Variants in DLL3 observed in about 807,000 individuals in gnomAD.
DLL3 encodes the protein delta like canonical Notch ligand 3.
DLL3 carries 49 observed loss-of-function variants against 55.0 expected under a neutral mutation model. The ratio of observed to expected loss-of-function variants is 0.89; its 90% CI spans 0.71 to 1.13. The LOEUF is 1.13. Among genes scored for constraint, DLL3 ranks in the 50% most tolerant of loss-of-function variants. DLL3 has a pLI of 0.00. For synonymous variants in DLL3, 421 were observed against 385.2 expected, an observed-to-expected ratio of 1.09 and a Z score of -1.09; for missense variants, 962 against 875.5, an observed-to-expected ratio of 1.10 and a Z score of -1.25.
At position 39,505,267 on chromosome 19, in the gene DLL3, G is replaced by T. The variant is rs749425668; in HGVS notation, c.909G>T (p.Gly303=). The T allele has an allele frequency of 2.5e-6, 4 of 1,614,188 alleles. No individual in the cohort carries two copies. The East Asian group carries it at 8.9e-5, about 36-fold the overall frequency. ...PRSFECTCPR[G]FYGLRCEVSG... is the part of the protein sequence containing the mutation. The stretch of plus-strand genomic sequence containing the variant: ...CCTTTGAATGCACCTGCCCGCGTGG[G>T]TTCTACGGGCTGCGGTGTGAGGTGA... Residue 303 remains glycine (G), a synonymous_variant, in exon 6 of 9, where the codon GGG becomes GGT. Transcript: ENST00000356433.
chr19:39,503,999 T>C (rs1197331053), intron 4 of DLL3, 72 bp from the exon 5 acceptor site: 1 of 1,494,414 alleles, frequency 6.7e-7, no homozygotes, highest in Non-Finnish European at 9.2e-7. Context: ...GAAACCTCCC[T>C]GCTTTCCATC....
At chr19:39,505,132 C>A in intron 5 of DLL3, 97 bp from the exon 6 acceptor site, 2 of 1,298,144 alleles carry the variant, frequency 1.5e-6, no homozygotes, top group Non-Finnish European at 2.2e-6. Flanking sequence ...GGACTTGAGA[C>A]TGGACAAGGA....
chr19:39,507,556 C>A lies in DLL3; in HGVS notation c.1611C>A (p.Val537=). The stretch of plus-strand genomic sequence containing the variant: ...TGGCTGGGACCCCGGAGCCGTCAGT[C>A]CACGCACTCCCGGATGCACTCAACA... The part of the protein sequence containing the change: ...RLLAGTPEPS[V]HALPDALNNL... The change falls in exon 7 of 9, where the codon GTC becomes GTA. Residue 537 remains valine, a synonymous_variant. Coordinates refer to ENST00000356433, the MANE Select transcript of DLL3 (RefSeq NM_203486.3). 5.0e-6 allele frequency: 8 copies of A among 1,608,004 alleles called. No homozygotes were observed. The South Asian group carries it at 8.9e-5, about 18-fold the overall frequency.
At position 39,504,281 on chromosome 19, in the gene DLL3, G is replaced by A. The variant is rs747375666; in HGVS notation, c.863G>A (p.Ser288Asn). 1 of 1,612,410 alleles carries A rather than the reference G, an allele frequency of 6.2e-7. No homozygotes were observed. Among genetic ancestry groups the A allele is most frequent in the African/African-American group, 1.3e-5 (1 of 75,072 alleles). The change falls in exon 5 of 9, where the codon AGC becomes AAC. Residue 288 changes from serine to asparagine, a missense_variant. Coordinates refer to ENST00000356433, the MANE Select transcript of DLL3 (RefSeq NM_203486.3). Reference sequence around the variant, plus strand: ...GGGAACCCGTGTGCCAATGGAGGCAGCTGTAGTGTCAGTGTCACCCTTCCC... The same window carrying A: ...GGGAACCCGTGTGCCAATGGAGGCAACTGTAGTGTCAGTGTCACCCTTCCC... ...CDGNPCANGG[S>N]CSETPRSFEC... is the part of the protein sequence containing the mutation.
intron 2 of DLL3, 72 bp from the exon 3 acceptor site, chr19:39,500,543 C>T (rs936578997): frequency 7.2e-6 from 10 of 1,392,130 alleles, no homozygotes; most frequent in Admixed American, 6.8e-5. Context: ...TTCCTGAACT[C>T]TGGCCTTCAT....
At position 39,504,115 on chromosome 19, in the gene DLL3, C is replaced by T. The variant is rs1235720722; in HGVS notation, c.697C>T (p.Gln233Ter). 2 of 1,613,242 alleles carry T rather than the reference C, an allele frequency of 1.2e-6. No individual in the cohort carries two copies. Among genetic ancestry groups the T allele is most frequent in the South Asian group, 2.2e-5 (2 of 91,092 alleles). Residue 233 changes from glutamine to a stop codon, truncating the protein, a stop_gained, in exon 5 of 9, where the codon CAG becomes TAG. Coordinates refer to ENST00000356433, the MANE Select transcript of DLL3 (RefSeq NM_203486.3). LOFTEE classifies it high-confidence loss of function. Reference sequence around the variant, plus strand: ...CAGCCCTGAGCATGGCTTCTGTGAACAGCCCGGTGAATGCCGATGCCTAGA... The same window carrying T: ...CAGCCCTGAGCATGGCTTCTGTGAATAGCCCGGTGAATGCCGATGCCTAGA... ...GCSPEHGFCEQPGECRCLEGW... is the reference protein window; with the variant it reads ...GCSPEHGFCE
chr19:39,505,314 G>T lies in DLL3; in HGVS notation c.956G>T (p.Gly319Val), dbSNP rs752084828. 4.3e-6 allele frequency: 7 copies of T among 1,614,092 alleles called. No homozygotes were observed. The highest frequency in any genetic ancestry group is 4.2e-6 in the Non-Finnish European group (5 of 1,180,040). Residue 319 changes from glycine to valine, a missense_variant, in exon 6 of 9, where the codon GGA (glycine) becomes GTA (valine). Transcript: ENST00000356433. ...GTGAGCGGGGTGACATGTGCAGATG[G>T]ACCCTGCTTCAACGGCGGCTTGTGT... ...CEVSGVTCAD[G>V]PCFNGGLCVG...
At chr19:39,501,548 C>G (rs560043501) in intron 3 of DLL3, among the ~76,000 whole-genome samples, 1 of 152,136 alleles carries the variant, frequency 6.6e-6, no homozygotes, top group Non-Finnish European at 1.5e-5. Flanking sequence ...TCTCAAACTC[C>G]TAGGCTCAAG....
intron 3 of DLL3, among the ~76,000 whole-genome samples, chr19:39,502,037 A>T (rs939595110): frequency 1.3e-4 from 19 of 151,898 alleles, no homozygotes; most frequent in African/African-American, 4.6e-4. Flanking sequence ...TACAAAAAAA[A>T]TTAGCCGGGC....
Position 39,499,425 on chromosome 19 carries a change from C to T in DLL3, c.303C>T (p.Leu101=). 1 of 1,590,628 alleles carries T rather than the reference C, an allele frequency of 6.3e-7. No individual in the cohort carries two copies. The highest frequency in any genetic ancestry group is 8.5e-7 in the Non-Finnish European group (1 of 1,176,156). The change falls in exon 2 of 9, where the codon CTC becomes CTT. Residue 101 remains leucine (L), a synonymous_variant. Transcript: ENST00000356433. ...TEQPGAPAPD[L]PLPDGLLQVP... ...AGCCCGGAGCGCCCGCGCCTGATCTCCCACTGCCCGACGGCCTCTTGCAGG... is the reference window on the plus strand; with the variant it reads ...AGCCCGGAGCGCCCGCGCCTGATCTTCCACTGCCCGACGGCCTCTTGCAGG...
chr19:39,508,258 C>G lies in DLL3; in HGVS notation c.*1C>G. 1 of 1,613,908 alleles carries G rather than the reference C, an allele frequency of 6.2e-7. No homozygotes were observed. The highest frequency in any genetic ancestry group is 8.5e-7 in the Non-Finnish European group (1 of 1,180,022). On this transcript the variant is annotated 3_prime_UTR_variant, in exon 9 of 9. Transcript: ENST00000356433. ...CTACTCATTTTGTTTCTAGGCCTGA[C>G]GCGTCTCCTCCATCCGCACCTGGAG...
intron 5 of DLL3, among the ~76,000 whole-genome samples, chr19:39,504,840 A>G (rs2144761532): frequency 6.6e-6 from 1 of 152,088 alleles, no homozygotes; most frequent in Admixed American, 6.5e-5. Flanking sequence ...CTCAGGGTTC[A>G]AATACTTAGG....
chr19:39,507,212 G>A lies in DLL3; in HGVS notation c.1267G>A (p.Gly423Ser). The change falls in exon 7 of 9, where the codon GGC becomes AGC. Residue 423 changes from glycine (G) to serine (S), a missense_variant. Physicochemically the swap from Gly to Ser is moderately conservative, Grantham distance 56 (BLOSUM62 0). Coordinates refer to ENST00000356433, the MANE Select transcript of DLL3 (RefSeq NM_203486.3). Reference sequence around the variant, plus strand: ...CTGCTCCTGCGCGCTGGGCTTCGGCGGCCGCGACTGCCGCGAGCGCGCGGA... The same window carrying A: ...CTGCTCCTGCGCGCTGGGCTTCGGCAGCCGCGACTGCCGCGAGCGCGCGGA... ...HRCSCALGFG[G>S]RDCRERADPC... 7.6e-7 allele frequency: 1 copy of A among 1,324,134 alleles called. No homozygotes were observed. The allele number at this position is 1,324,134 out of a possible 1,614,324, so 82.0% of individuals were successfully genotyped here.
Position 39,507,508 on chromosome 19 carries a change from C to T in DLL3, c.1563C>T (p.Ser521=). The T allele has an allele frequency of 6.3e-7, 1 of 1,599,734 alleles. No homozygotes were observed. The part of the protein sequence containing the change: ...LLVHVRRRGH[S]QDAGSRLLAG... ...TCCACGTGCGCCGCCGTGGCCACTCCCAGGATGCTGGGTCTCGCTTGCTGG... is the reference window on the plus strand; with the variant it reads ...TCCACGTGCGCCGCCGTGGCCACTCTCAGGATGCTGGGTCTCGCTTGCTGG... Residue 521 remains serine, a synonymous_variant, in exon 7 of 9, where the codon TCC becomes TCT. Coordinates refer to ENST00000356433, the MANE Select transcript of DLL3 (RefSeq NM_203486.3).
chr19:39,502,940 G>T lies in DLL3; in HGVS notation c.535G>T (p.Glu179Ter). Residue 179 changes from glutamate (E) to a stop codon, truncating the protein, a stop_gained, in exon 4 of 9, where the codon GAG (glutamate) becomes TAG (stop). Transcript: ENST00000356433. LOFTEE classifies it high-confidence loss of function. Reference sequence around the variant, plus strand: ...GCGCTTCTCGTACCGCGCGCGCTGCGAGCCGCCTGCCGTCGGGACCGCGTG... The same window carrying T: ...GCGCTTCTCGTACCGCGCGCGCTGCTAGCCGCCTGCCGTCGGGACCGCGTG... The part of the protein sequence containing the change: ...ELRFSYRARC[E>*]PPAVGTACTR... 1 of 1,442,024 alleles carries T rather than the reference G, an allele frequency of 6.9e-7. No homozygotes were observed. The allele number at this position is 1,442,024 out of a possible 1,614,324, so 89.3% of individuals were successfully genotyped here.
Position 39,507,279 on chromosome 19 carries a change from A to G in DLL3, c.1334A>G (p.Tyr445Cys), listed in dbSNP as rs1323742974. Residue 445 changes from tyrosine (Y) to cysteine (C), a missense_variant, in exon 7 of 9, where the codon TAC (tyrosine) becomes TGC (cysteine). Physicochemically the swap from Tyr to Cys is radical, Grantham distance 194. Transcript: ENST00000356433. ...ARPCAHGGRC[Y>C]AHFSGLVCAC... ...CCCTGTGCTCACGGCGGCCGCTGCT[A>G]CGCCCACTTCTCCGGCCTCGTCTGC... The G allele has an allele frequency of 2.6e-6, 4 of 1,538,136 alleles. No homozygotes were observed. Among genetic ancestry groups the G allele is most frequent in the South Asian group, 2.4e-5 (2 of 84,490 alleles).
intron 5 of DLL3, among the ~76,000 whole-genome samples, chr19:39,504,504 C>G (rs577455399): frequency 6.6e-6 from 1 of 152,060 alleles, no homozygotes; most frequent in African/African-American, 2.4e-5. Flanking sequence ...TGGGTGGCCC[C>G]GAAAGATGCA....
chr19:39,505,866 T>C (rs917809701), intron 6 of DLL3, among the ~76,000 whole-genome samples: 2 of 152,070 alleles, frequency 1.3e-5, no homozygotes, highest in African/African-American at 2.4e-5. Context: ...CTGAGTGAGA[T>C]GGAGCCACAG....
chr19:39,499,564 C>A, intron 2 of DLL3, 91 bp downstream of exon 2: 1 of 1,496,206 alleles, frequency 6.7e-7, no homozygotes, highest in Non-Finnish European at 9.0e-7. Context: ...TTCCAAGACC[C>A]TAATCCTGCC....
Sources: gnomAD v4.1 joint callset for allele counts (sites outside exome capture counted in the v4.1 genomes callset) on GRCh38, gnomAD v4.1.1 for gene constraint, MANE v1.5 for transcripts, NCBI Gene and HGNC (gene_info 2026-07-23, HGNC 2026-07-21) for gene names.